Variants in RIMS2 observed in about 807,000 individuals in gnomAD.
RIMS2 encodes regulating synaptic membrane exocytosis protein 2.
RIMS2 carries 59 observed loss-of-function variants against 174.4 expected under a neutral mutation model. The ratio of observed to expected loss-of-function variants is 0.34; its 90% CI spans 0.27 to 0.42. RIMS2 has a LOEUF of 0.42. Ranked by LOEUF, RIMS2 falls within the 10% of genes least tolerant of loss-of-function variation. The probability of loss-of-function intolerance (pLI) is 1.00; values close to 1 mark genes in which losing one functional copy is unlikely to be tolerated. For synonymous variants in RIMS2, 606 were observed against 572.5 expected, an observed-to-expected ratio of 1.06 and a Z score of -0.84; for missense variants, 1,620 against 1,666.3, an observed-to-expected ratio of 0.97 and a Z score of 0.48.
intron 19 of RIMS2, among the ~76,000 whole-genome samples, chr8:104,244,482 G>C (rs998473637): frequency 6.6e-6 from 1 of 152,142 alleles, no homozygotes; most frequent in Admixed American, 6.5e-5. Context: ...TTGTGTGAAG[G>C]CCTGGTTCTT....
At chr8:103,530,958 T>C (rs1230467032) in intron 1 of RIMS2, among the ~76,000 whole-genome samples, 1 of 151,710 alleles carries the variant, frequency 6.6e-6, no homozygotes, top group Non-Finnish European at 1.5e-5. Flanking sequence ...CCTTTCTGTC[T>C]GTATGTTATA....
intron 1 of RIMS2, among the ~76,000 whole-genome samples, chr8:103,569,269 G>A (rs1314998467): frequency 2.6e-5 from 4 of 152,036 alleles, no homozygotes; most frequent in African/African-American, 9.7e-5. Flanking sequence ...AGTTTTCTCA[G>A]CACTATTTGT....
intron 2 of RIMS2, among the ~76,000 whole-genome samples, chr8:103,729,240 T>G (rs1409385774): frequency 6.6e-6 from 1 of 152,170 alleles, no homozygotes; most frequent in Non-Finnish European, 1.5e-5. Context: ...TAATTATGGC[T>G]TTGATCTCAT....
At chr8:103,751,432 C>T (rs1185377019) in intron 2 of RIMS2, among the ~76,000 whole-genome samples, 1 of 151,724 alleles carries the variant, frequency 6.6e-6, no homozygotes, top group Non-Finnish European at 1.5e-5. Context: ...TTTATAGCAG[C>T]ATGATTTATA....
Position 103,550,106 on chromosome 8 carries a change from C to G in RIMS2, c.176+49044C>G, listed in dbSNP as rs57559979. Among the ~76,000 whole-genome samples the G allele has an allele frequency of 5.1e-4, 77 of 152,272 alleles. 1 individual carries two copies. The East Asian group carries it at 0.013, about 26-fold the overall frequency. On this transcript the variant is annotated intron_variant, in intron 1 of 23. Transcript: ENST00000504942. Reference sequence around the variant, plus strand: ...GAACTCAGCTCTGCACCAAGCAGACCTAATAGACATCTACAGCACTCTCCA... The same window carrying G: ...GAACTCAGCTCTGCACCAAGCAGACGTAATAGACATCTACAGCACTCTCCA...
At chr8:104,205,183 T>G (rs1371479935) in intron 19 of RIMS2, among the ~76,000 whole-genome samples, 1 of 152,132 alleles carries the variant, frequency 6.6e-6, no homozygotes, top group East Asian at 1.9e-4. Flanking sequence ...TTTTTCCCAT[T>G]TCAGAGTGTT....
At chr8:104,038,221 A>G (rs2154557247) in intron 19 of RIMS2, among the ~76,000 whole-genome samples, 1 of 152,116 alleles carries the variant, frequency 6.6e-6, no homozygotes. Flanking sequence ...TTTATTCATT[A>G]TATTTTATAT....
chr8:103,662,563 T>C (rs763915619), intron 1 of RIMS2, among the ~76,000 whole-genome samples: 8 of 152,220 alleles, frequency 5.3e-5, no homozygotes, highest in Non-Finnish European at 8.8e-5. Flanking sequence ...ACTCAAATTA[T>C]TCTTCTATTT....
intron 12 of RIMS2, among the ~76,000 whole-genome samples, chr8:103,936,263 A>C (rs1474384604): frequency 6.6e-6 from 1 of 152,170 alleles, no homozygotes; most frequent in Non-Finnish European, 1.5e-5. Context: ...AAGATTCTCA[A>C]GTCTGGTTTT....
At chr8:104,076,558 T>C (rs994452628) in intron 19 of RIMS2, among the ~76,000 whole-genome samples, 1 of 152,306 alleles carries the variant, frequency 6.6e-6, no homozygotes, top group East Asian at 1.9e-4. Context: ...GCAGAAATTC[T>C]GAAGTCTTGT....
chr8:103,800,592 A>T (rs67432617), intron 3 of RIMS2, among the ~76,000 whole-genome samples: 2 of 152,076 alleles, frequency 1.3e-5, no homozygotes, highest in African/African-American at 4.8e-5. Context: ...AAAGGATCAC[A>T]TGGTTTTTCC....
intron 1 of RIMS2, among the ~76,000 whole-genome samples, chr8:103,657,653 G>T (rs1589803284): frequency 6.6e-6 from 1 of 152,192 alleles, no homozygotes; most frequent in East Asian, 1.9e-4. Context: ...ATAGAGGAAG[G>T]TGCATTCCAG....
rs541542041 is a variant in RIMS2, at chr8:104,113,799, G to GT, written c.3334+99192dup. Among the ~76,000 whole-genome samples, 137 of 151,118 alleles carry GT rather than the reference G, an allele frequency of 9.1e-4. 1 individual carries two copies. The highest frequency in any genetic ancestry group is 4.5e-3 in the East Asian group (23 of 5,148). On this transcript the variant is annotated intron_variant, in intron 19 of 23. Coordinates refer to ENST00000504942, the Ensembl canonical transcript of RIMS2. ...CCCTAGACTGCTGATCCCAAATTAT[G>GT]TTTTTTTTCAAATAGAACAGGCTAC... is the stretch of plus-strand genomic sequence containing the variant.
chr8:104,015,422 A>G (rs997384310), intron 19 of RIMS2: 4 of 703,912 alleles, frequency 5.7e-6, no homozygotes, highest in African/African-American at 5.2e-5. Context: ...TGTTTTCCCT[A>G]GACAATGGAG....
intron 1 of RIMS2, among the ~76,000 whole-genome samples, chr8:103,663,347 T>C (rs2096627328): frequency 6.6e-6 from 1 of 152,098 alleles, no homozygotes; most frequent in South Asian, 2.1e-4. Flanking sequence ...AGTCAAATTG[T>C]CTCTGTTTGC....
intron 19 of RIMS2, among the ~76,000 whole-genome samples, chr8:104,173,287 C>T (rs973474365): frequency 6.6e-6 from 1 of 152,196 alleles, no homozygotes; most frequent in East Asian, 1.9e-4. Context: ...TTGGAAGACT[C>T]TTGTTTCATA....
chr8:104,247,538 A>G (rs1479385392), intron 20 of RIMS2, among the ~76,000 whole-genome samples: 2 of 152,216 alleles, frequency 1.3e-5, no homozygotes, highest in East Asian at 1.9e-4. Flanking sequence ...GGGCTTCAAC[A>G]TAAGAATTTT....
At chr8:104,234,449 T>C (rs2099248383) in intron 19 of RIMS2, among the ~76,000 whole-genome samples, 1 of 150,196 alleles carries the variant, frequency 6.7e-6, no homozygotes, top group African/African-American at 2.4e-5. Flanking sequence ...AGTGAGGTAG[T>C]GGATATGCAA....
chr8:103,651,235 A>G (rs569769787), intron 1 of RIMS2, among the ~76,000 whole-genome samples: 4 of 152,302 alleles, frequency 2.6e-5, no homozygotes, highest in South Asian at 2.1e-4. Context: ...CAGGTGGGCT[A>G]TCGCCCTACC....
Sources: gnomAD v4.1 joint callset for allele counts (sites outside exome capture counted in the v4.1 genomes callset) on GRCh38, gnomAD v4.1.1 for gene constraint, MANE v1.5 for transcripts, NCBI Gene and HGNC (gene_info 2026-07-23, HGNC 2026-07-21) for gene names.